NCOA6: variants seen among roughly 807,000 people sequenced by gnomAD.
The protein encoded by NCOA6 is nuclear receptor coactivator 6.
NCOA6 carries 49 observed loss-of-function variants against 171.4 expected under a neutral mutation model. That is an observed-to-expected ratio of 0.29 (90% confidence interval 0.23 to 0.36). The LOEUF (loss-of-function observed/expected upper bound fraction) is 0.36. Among genes scored for constraint, NCOA6 ranks in the 10% least tolerant of loss-of-function variants. The pLI is 1.00. For synonymous variants in NCOA6, 910 were observed against 927.5 expected (o/e 0.98, Z 0.34); for missense variants, 2,248 against 2,554.5 (o/e 0.88, Z 2.59).
At chr20:34,775,098 G>A (rs992723628) in intron 4 of NCOA6, among the ~76,000 whole-genome samples, 1 of 152,150 alleles carries the variant, frequency 6.6e-6, no homozygotes. Flanking sequence ...TCAATGCAAA[G>A]GACCTGTGGC....
At chr20:34,752,299 T>C (rs1261045668) in intron 8 of NCOA6, among the ~76,000 whole-genome samples, 1 of 152,242 alleles carries the variant, frequency 6.6e-6, no homozygotes, top group African/African-American at 2.4e-5. Context: ...GAAGATTTTC[T>C]AAACCAGCCT....
Position 34,749,785 on chromosome 20 carries a change from G to T in NCOA6, c.2410C>A (p.Pro804Thr). 1 of 1,614,230 alleles carries T rather than the reference G, an allele frequency of 6.2e-7. No homozygotes were observed. The highest frequency in any genetic ancestry group is 8.5e-7 in the Non-Finnish European group (1 of 1,180,042). The change falls in exon 9 of 15, where the codon CCT becomes ACT. Residue 804 changes from proline to threonine, a missense_variant. Physicochemically the swap from Pro to Thr is conservative, Grantham distance 38. This residue lies in a region of NCOA6 where 987 missense variants were observed against 1,104.7 expected (regional missense o/e 0.89). Transcript: ENST00000359003. ...ACATCGTTATTTGCTGTAGTAGCAG[G>T]ATCACCATGCTGCTGGGCCATGTGT... ...SPHMAQQHGD[P>T]ATTANNDVSL...
chr20:34,775,667 T>G (rs2077291731), intron 4 of NCOA6, among the ~76,000 whole-genome samples: 2 of 94,310 alleles, frequency 2.1e-5, no homozygotes, highest in Non-Finnish European at 3.9e-5. Context: ...CCTGGGACTC[T>G]GTCTCAAAAA....
intron 12 of NCOA6, among the ~76,000 whole-genome samples, chr20:34,733,385 T>C (rs1177131487): frequency 6.6e-6 from 1 of 152,206 alleles, no homozygotes; most frequent in Non-Finnish European, 1.5e-5. Context: ...CATTACTCAG[T>C]GTACATGTCT....
At chr20:34,728,967 TTG>T (rs1443063254) in intron 13 of NCOA6, among the ~76,000 whole-genome samples, 8 of 152,206 alleles carry the variant, frequency 5.3e-5, no homozygotes, top group African/African-American at 1.9e-4. Context: ...TTGTTTGTTT[TTG>T]AGATGGAGTC....
chr20:34,743,623 G>C (rs1367169413), intron 10 of NCOA6, among the ~76,000 whole-genome samples: 1 of 152,164 alleles, frequency 6.6e-6, no homozygotes, highest in African/African-American at 2.4e-5. Flanking sequence ...GATTTTCTGT[G>C]CTATGCACTG....
At chr20:34,781,880 T>C (rs1310559094) in intron 3 of NCOA6, among the ~76,000 whole-genome samples, 1 of 152,180 alleles carries the variant, frequency 6.6e-6, no homozygotes, top group Non-Finnish European at 1.5e-5. Context: ...ATTACTTTTA[T>C]CCACTAGAGA....
Position 34,757,017 on chromosome 20 carries a change from A to G in NCOA6, c.1528+203T>C, listed in dbSNP as rs149208205. On this transcript the variant is annotated intron_variant, in intron 7 of 14. Coordinates refer to ENST00000359003, the MANE Select transcript of NCOA6 (RefSeq NM_014071.5). ...TTGAATTTTACCTGAATTTTAGTCC[A>G]GAGAGCTAGCTTAAATTTAACCAGT... 3.0e-3 allele frequency among the ~76,000 whole-genome samples: 463 copies of G among 152,364 alleles called. 1 individual carries two copies. Among genetic ancestry groups the G allele is most frequent in the Middle Eastern group, 6.8e-3 (2 of 294 alleles).
intron 5 of NCOA6, among the ~76,000 whole-genome samples, chr20:34,759,249 A>G (rs556800661): frequency 5.0e-4 from 76 of 152,234 alleles, no homozygotes; most frequent in African/African-American, 1.8e-3. Flanking sequence ...TATGTTGCCT[A>G]GGCTGGTCTC....
intron 1 of NCOA6, chr20:34,821,561 T>C (rs376623759): frequency 6.6e-6 from 1 of 151,830 alleles, no homozygotes. Flanking sequence ...TTATTATCAA[T>C]GAGAATTCTC....
chr20:34,718,663 G>T (rs567205281), intron 14 of NCOA6, among the ~76,000 whole-genome samples: 136 of 152,106 alleles, frequency 8.9e-4, no homozygotes, highest in African/African-American at 3.1e-3. Flanking sequence ...GCACCACCAC[G>T]CCCAGCTAAT....
intron 10 of NCOA6, among the ~76,000 whole-genome samples, chr20:34,744,748 A>G (rs2076253429): frequency 6.6e-6 from 1 of 152,206 alleles, no homozygotes; most frequent in Admixed American, 6.5e-5. Context: ...CTATGGTTCA[A>G]CTGTCCTTTC....
At chr20:34,794,966 A>G (rs1321737098) in intron 1 of NCOA6, among the ~76,000 whole-genome samples, 3 of 152,248 alleles carry the variant, frequency 2.0e-5, no homozygotes, top group African/African-American at 7.2e-5. Flanking sequence ...GGAGGTAACT[A>G]TGACATTAAT....
intron 8 of NCOA6, among the ~76,000 whole-genome samples, chr20:34,752,963 A>G (rs1287580768): frequency 6.6e-6 from 1 of 151,550 alleles, no homozygotes; most frequent in Non-Finnish European, 1.5e-5. Context: ...AAACATGTAC[A>G]TGTGGAAGGT....
rs1312525024 is a variant in NCOA6 at position 34,740,672 on chromosome 20, G to A, written c.5584C>T (p.Pro1862Ser). The A allele has an allele frequency of 2.5e-6, 4 of 1,614,078 alleles. No individual in the cohort carries two copies. The highest frequency in any genetic ancestry group is 3.4e-6 in the Non-Finnish European group (4 of 1,180,040). The change falls in exon 11 of 15, where the codon CCG becomes TCG. Residue 1862 changes from proline to serine, a missense_variant. Physicochemically the swap from Pro to Ser is moderately conservative, Grantham distance 74 (BLOSUM62 -1). Transcript: ENST00000359003. ...TEGQGLDTTA[P>S]GLMGTEQLST... ...AACTGCTCTGTTCCCATGAGCCCCG[G>A]AGCTGTGGTGTCTAGCCCTTGGCCT... is the stretch of plus-strand genomic sequence containing the variant.
chr20:34,715,315 T>C lies in NCOA6; in HGVS notation c.*7A>G. On this transcript the variant is annotated 3_prime_UTR_variant, in exon 15 of 15. Transcript: ENST00000359003. Reference sequence around the variant, plus strand: ...ATTTCCAAGTATCAAGTCGCAGTCCTGCTTGTTTACTTGGATTTTCTTCGC... The same window carrying C: ...ATTTCCAAGTATCAAGTCGCAGTCCCGCTTGTTTACTTGGATTTTCTTCGC... 7 of 1,614,072 alleles carry C rather than the reference T, an allele frequency of 4.3e-6. No individual in the cohort carries two copies. The highest frequency in any genetic ancestry group is 5.9e-6 in the Non-Finnish European group (7 of 1,179,908).
intron 13 of NCOA6, among the ~76,000 whole-genome samples, chr20:34,731,071 G>A (rs1990555804): frequency 6.6e-6 from 1 of 151,746 alleles, no homozygotes. Context: ...CCAGGCTGGG[G>A]TGCAGTGGCA....
intron 14 of NCOA6, among the ~76,000 whole-genome samples, chr20:34,720,742 C>A (rs1044255821): frequency 6.6e-6 from 1 of 152,158 alleles, no homozygotes; most frequent in Non-Finnish European, 1.5e-5. Flanking sequence ...ATTTCAGGTA[C>A]CCAGCACTGC....
intron 12 of NCOA6, among the ~76,000 whole-genome samples, chr20:34,734,058 A>G (rs1214862214): frequency 6.6e-6 from 1 of 152,034 alleles, no homozygotes; most frequent in Non-Finnish European, 1.5e-5. Flanking sequence ...TCAAGTCAAA[A>G]GAAGTGCTCA....
Sources: gnomAD v4.1 joint callset for allele counts (sites outside exome capture counted in the v4.1 genomes callset) on GRCh38, gnomAD v4.1.1 for gene constraint, gnomAD v4.1.1 regional missense constraint, MANE v1.5 for transcripts, NCBI Gene and HGNC (gene_info 2026-07-23, HGNC 2026-07-21) for gene names.